The following PEX14 variants were observed in gnomAD, a reference collection of about 807,000 sequenced individuals.
PEX14 encodes the protein peroxisomal membrane protein PEX14.
PEX14 carries 15 observed loss-of-function variants against 49.5 expected under a neutral mutation model. The ratio of observed to expected loss-of-function variants is 0.30; its 90% confidence interval spans 0.20 to 0.47. The LOEUF is 0.47. Among genes scored for constraint, PEX14 ranks in the 20% least tolerant of loss-of-function variants. PEX14 has a pLI of 1.00. For synonymous variants in PEX14, 210 were observed against 212.7 expected (o/e 0.99, Z 0.11); for missense variants, 398 against 494.8 (o/e 0.80, Z 1.86).
At chr1:10,506,822 A>G (rs1413897627) in intron 2 of PEX14, among the ~76,000 whole-genome samples, 1 of 152,208 alleles carries the variant, frequency 6.6e-6, no homozygotes, top group African/African-American at 2.4e-5. Flanking sequence ...GGGTTTATGC[A>G]AGAAAGACGT....
intron 3 of PEX14, among the ~76,000 whole-genome samples, chr1:10,563,705 A>C (rs1639720254): frequency 6.6e-6 from 1 of 152,100 alleles, no homozygotes. Context: ...CGGGTGTATC[A>C]CGAGGTCAGG....
chr1:10,629,883 G>C lies in PEX14; in HGVS notation c.1030G>C (p.Gly344Arg), dbSNP rs762029686. ...CCATGTGGACGAGGAGGACTGCCTGGGGGTGCAGAGGGAGGACCGCCGGGG... is the reference window on the plus strand; with the variant it reads ...CCATGTGGACGAGGAGGACTGCCTGCGGGTGCAGAGGGAGGACCGCCGGGG... ...VSHVDEEDCLGVQREDRRGGD... is the reference protein window; with the variant it reads ...VSHVDEEDCLRVQREDRRGGD... The change falls in exon 9 of 9, where the codon GGG (glycine) becomes CGG (arginine). Residue 344 changes from glycine to arginine, a missense_variant. By Grantham distance (125) the Gly-to-Arg change is moderately radical (BLOSUM62 -2). Coordinates refer to ENST00000356607, the MANE Select transcript of PEX14 (RefSeq NM_004565.3). This position sits in a 1 kb window ranked among gnomAD's most constrained non-coding sequence, Gnocchi z 8.5. 2 of 1,612,944 alleles carry C rather than the reference G, an allele frequency of 1.2e-6. No individual in the cohort carries two copies. The highest frequency in any genetic ancestry group is 8.5e-7 in the Non-Finnish European group (1 of 1,179,410).
intron 3 of PEX14, among the ~76,000 whole-genome samples, chr1:10,543,251 C>T (rs1639070849): frequency 6.6e-6 from 1 of 152,212 alleles, no homozygotes; most frequent in Admixed American, 6.5e-5. Context: ...TCATCTGCCT[C>T]AGCCTCCCGA....
At chr1:10,583,124 A>T (rs1257647656) in intron 3 of PEX14, among the ~76,000 whole-genome samples, 2 of 151,546 alleles carry the variant, frequency 1.3e-5, no homozygotes, top group Non-Finnish European at 2.9e-5. Flanking sequence ...AGAAGGTGGG[A>T]CTCTGATTTT....
intron 7 of PEX14, among the ~76,000 whole-genome samples, chr1:10,627,018 T>TA (rs935440628): frequency 1.4e-3 from 213 of 152,304 alleles, no homozygotes; most frequent in African/African-American, 5.0e-3. Context: ...ACGCCCACGA[T>TA]ACCATTATGT....
At chr1:10,563,663 A>G (rs879331258) in intron 3 of PEX14, among the ~76,000 whole-genome samples, 57 of 146,014 alleles carry the variant, frequency 3.9e-4, no homozygotes, top group Non-Finnish European at 7.4e-4. Flanking sequence ...AGTGGCTCAC[A>G]CCTGTAATCC....
rs1306587998 is a variant in PEX14 at position 10,627,283 on chromosome 1, C to T, written c.597C>T (p.Ser199=). 4 of 1,613,192 alleles carry T rather than the reference C, an allele frequency of 2.5e-6. No individual in the cohort carries two copies. The highest frequency in any genetic ancestry group is 1.3e-5 in the African/African-American group (1 of 74,932). The change falls in exon 8 of 9, where the codon TCC becomes TCT. Residue 199 remains serine, a synonymous_variant. Coordinates refer to ENST00000356607, the MANE Select transcript of PEX14 (RefSeq NM_004565.3). ...TGCTCTGCTTTCAGGCCACCACATC[C>T]ACCAACTGGATCCTGGAGTCCCAGA... ...HELAAAKATT[S]TNWILESQNI...
chr1:10,622,362 G>A (rs1408262521), intron 5 of PEX14, among the ~76,000 whole-genome samples: 3 of 152,186 alleles, frequency 2.0e-5, no homozygotes, highest in Admixed American at 2.0e-4. Context: ...CTTACGTGAA[G>A]GAAGTTTGTT....
intron 2 of PEX14, among the ~76,000 whole-genome samples, chr1:10,506,507 C>T (rs1641786052): frequency 6.6e-6 from 1 of 152,140 alleles, no homozygotes; most frequent in South Asian, 2.1e-4. Flanking sequence ...GAACTTGCGA[C>T]CTCAGGTGAT....
At chr1:10,501,995 G>GC (rs1641690248) in intron 2 of PEX14, among the ~76,000 whole-genome samples, 1 of 151,950 alleles carries the variant, frequency 6.6e-6, no homozygotes, top group Non-Finnish European at 1.5e-5. Flanking sequence ...TCATCAGGGT[G>GC]CCCCTCACAA....
At position 10,629,688 on chromosome 1, in the gene PEX14, G is replaced by A; in HGVS notation, c.835G>A (p.Glu279Lys). 8 of 1,613,310 alleles carry A rather than the reference G, an allele frequency of 5.0e-6. No individual in the cohort carries two copies. Among genetic ancestry groups the A allele is most frequent in the Non-Finnish European group, 6.8e-6 (8 of 1,179,688 alleles). The stretch of plus-strand genomic sequence containing the variant: ...GTCCACGTCGTCCTCGCCTGGGAAG[G>A]AGGGCCACAGCCCCGAGGGCTCCAC... ...NESTSSSPGK[E>K]GHSPEGSTVT... The change falls in exon 9 of 9, where the codon GAG (glutamate) becomes AAG (lysine). Residue 279 changes from glutamate (E) to lysine (K), a missense_variant. Physicochemically the swap from Glu to Lys is moderately conservative, Grantham distance 56. Coordinates refer to ENST00000356607, the MANE Select transcript of PEX14 (RefSeq NM_004565.3). The surrounding 1 kb of genome is among the most constrained non-coding windows in gnomAD (Gnocchi z 8.5).
At chr1:10,579,593 C>T (rs61776261) in intron 3 of PEX14, among the ~76,000 whole-genome samples, 7,159 of 152,144 alleles carry the variant, frequency 0.047, 397 homozygotes, top group African/African-American at 0.12. Context: ...GACAGAGCAG[C>T]CCTGGGAGCT....
chr1:10,555,831 G>T (rs1364988541), intron 3 of PEX14, among the ~76,000 whole-genome samples: 1 of 152,202 alleles, frequency 6.6e-6, no homozygotes, highest in Non-Finnish European at 1.5e-5. Flanking sequence ...GCCGGGCGTT[G>T]CATCATAACA....
chr1:10,618,403 C>T lies in PEX14; in HGVS notation c.370C>T (p.His124Tyr), dbSNP rs1250012399. ...CATGGCAGGCATTGCATTTGGCTTT[C>T]ACCAGCTCTACAAGGTGAGTCACCC... ...IIMAGIAFGF[H>Y]QLYKKYLLPL... The change falls in exon 5 of 9, where the codon CAC (histidine) becomes TAC (tyrosine). Residue 124 changes from histidine (H) to tyrosine (Y), a missense_variant. Physicochemically the swap from His to Tyr is moderately conservative, Grantham distance 83. Coordinates refer to ENST00000356607, the MANE Select transcript of PEX14 (RefSeq NM_004565.3). The T allele has an allele frequency of 2.5e-6, 4 of 1,613,414 alleles. No individual in the cohort carries two copies. The East Asian group carries it at 6.7e-5, about 27-fold the overall frequency.
At chr1:10,561,545 A>G (rs1639653522) in intron 3 of PEX14, among the ~76,000 whole-genome samples, 1 of 152,238 alleles carries the variant, frequency 6.6e-6, no homozygotes, top group Non-Finnish European at 1.5e-5. Context: ...ATAAAAGGTG[A>G]GAAAGATCAG....
intron 3 of PEX14, among the ~76,000 whole-genome samples, chr1:10,588,805 G>A (rs994008371): frequency 1.3e-4 from 20 of 152,084 alleles, no homozygotes; most frequent in African/African-American, 4.6e-4. Flanking sequence ...AAGAGAAGCC[G>A]TAAAGTGCTT....
chr1:10,576,378 C>G (rs1464064062), intron 3 of PEX14, among the ~76,000 whole-genome samples: 1 of 152,024 alleles, frequency 6.6e-6, no homozygotes, highest in Non-Finnish European at 1.5e-5. Context: ...TCACAAAAAC[C>G]CTACGAGGTA....
intron 3 of PEX14, among the ~76,000 whole-genome samples, chr1:10,562,177 T>G (rs1214700250): frequency 6.6e-6 from 1 of 152,218 alleles, no homozygotes; most frequent in African/African-American, 2.4e-5. Flanking sequence ...TAGCTGGGAT[T>G]ACAGGCATGA....
At chr1:10,481,830 T>C (rs943693414) in intron 1 of PEX14, among the ~76,000 whole-genome samples, 3 of 151,352 alleles carry the variant, frequency 2.0e-5, no homozygotes, top group African/African-American at 7.3e-5. Flanking sequence ...ACTCTTTTTT[T>C]TTTTTTTTTT....
Sources: allele counts gnomAD v4.1 joint callset (sites outside exome capture counted in the v4.1 genomes callset), GRCh38; gene constraint gnomAD v4.1.1; non-coding constraint Gnocchi (gnomAD v3.1); transcripts MANE v1.5; gene names NCBI Gene and HGNC (gene_info 2026-07-23, HGNC 2026-07-21).